The following FBXO34 variants were observed in gnomAD, a reference collection of about 807,000 sequenced individuals.
FBXO34 encodes the protein F-box only protein 34.
FBXO34 carries 12 observed loss-of-function variants against 24.5 expected under a neutral mutation model. The observed-to-expected ratio is 0.49, with a 90% confidence interval of 0.31 to 0.79. FBXO34 has a LOEUF of 0.79. Among genes scored for constraint, FBXO34 ranks in the 30% least tolerant of loss-of-function variants. The pLI is 0.04. For missense variants in FBXO34, 823 were observed against 857.7 expected (o/e 0.96, Z 0.51); for synonymous variants, 320 against 311.9 (o/e 1.03, Z -0.27).
intron 1 of FBXO34, chr14:55,335,162 C>T (rs762859751): frequency 6.6e-6 from 1 of 152,232 alleles, no homozygotes; most frequent in African/African-American, 2.4e-5. Flanking sequence ...ATTATTTCCT[C>T]CTTTATTTGG....
chr14:55,326,823 A>C (rs938190519), intron 1 of FBXO34, among the ~76,000 whole-genome samples: 2 of 152,186 alleles, frequency 1.3e-5, no homozygotes, highest in Admixed American at 6.5e-5. Context: ...AACTTTAGGG[A>C]TGTTTTGATG....
intron 1 of FBXO34, among the ~76,000 whole-genome samples, chr14:55,322,227 G>A (rs1243432463): frequency 1.3e-5 from 2 of 151,414 alleles, no homozygotes; most frequent in South Asian, 2.1e-4. Context: ...AGAGAATGGC[G>A]TGAACCCGGG....
chr14:55,323,225 A>AAAAAAT, intron 1 of FBXO34, among the ~76,000 whole-genome samples: 1 of 19,204 alleles, frequency 5.2e-5, no homozygotes, highest in East Asian at 1.4e-3. Flanking sequence ...AAAAATATAT[A>AAAAAAT]TTTTTTTTTT....
the FBXO34 span, among the ~76,000 whole-genome samples, chr14:55,385,351 G>A: frequency 6.6e-6 from 1 of 152,130 alleles, no homozygotes; most frequent in Non-Finnish European, 1.5e-5. Context: ...GGAGTGCAGT[G>A]ACACAATCTT....
chr14:55,389,178 A>G, the FBXO34 span, among the ~76,000 whole-genome samples: 1 of 152,228 alleles, frequency 6.6e-6, no homozygotes, highest in African/African-American at 2.4e-5. Context: ...AATGTGTTAA[A>G]AAGAGCTGAT....
the FBXO34 span, among the ~76,000 whole-genome samples, chr14:55,393,727 C>A: frequency 1.3e-5 from 2 of 151,610 alleles, no homozygotes; most frequent in Non-Finnish European, 2.9e-5. Flanking sequence ...GGTTTTTGTT[C>A]GTTTTTGTAG....
the FBXO34 span, among the ~76,000 whole-genome samples, chr14:55,406,228 T>A: frequency 6.6e-5 from 10 of 152,036 alleles, no homozygotes; most frequent in African/African-American, 2.4e-4. Context: ...TAATGAAACC[T>A]GAAAAAAATA....
chr14:55,412,766 C>T, the FBXO34 span, among the ~76,000 whole-genome samples: 1 of 152,104 alleles, frequency 6.6e-6, no homozygotes, highest in African/African-American at 2.4e-5. Context: ...AGTTCCATAC[C>T]CAAAGATCCA....
the FBXO34 span, chr14:55,413,909 C>T: frequency 2.2e-6 from 1 of 462,318 alleles, no homozygotes; most frequent in Middle Eastern, 6.9e-4. Flanking sequence ...CGGAGCACTC[C>T]TTTTTGAAAA....
chr14:55,362,716 G>A (rs780505982), downstream of FBXO34, among the ~76,000 whole-genome samples: 2 of 152,084 alleles, frequency 1.3e-5, no homozygotes, highest in Non-Finnish European at 2.9e-5. Flanking sequence ...TGCTCCTATC[G>A]TTCTTTCATC....
intron 1 of FBXO34, chr14:55,285,521 G>GC (rs1476243776): frequency 2.0e-5 from 3 of 152,070 alleles, no homozygotes; most frequent in Admixed American, 2.0e-4. Context: ...AATAACCACT[G>GC]CCGTCCAGCA....
chr14:55,336,977 TTA>T (rs962597067), intron 1 of FBXO34, among the ~76,000 whole-genome samples: 5 of 74,478 alleles, frequency 6.7e-5, no homozygotes, highest in East Asian at 8.9e-4. Context: ...TTTTTTTATT[TTA>T]TTTTTTTTTT....
intron 1 of FBXO34, among the ~76,000 whole-genome samples, chr14:55,278,046 C>T (rs1169777351): frequency 6.6e-6 from 1 of 152,124 alleles, no homozygotes. Context: ...GCACCGAGAA[C>T]CATGTCGTTG....
intron 1 of FBXO34, among the ~76,000 whole-genome samples, chr14:55,339,750 A>G (rs774347655): frequency 2.0e-5 from 3 of 152,190 alleles, no homozygotes; most frequent in African/African-American, 7.2e-5. Flanking sequence ...CAAAGCAGCA[A>G]TGTTTTTTAG....
At chr14:55,332,725 GA>G (rs1254289095) in intron 1 of FBXO34, among the ~76,000 whole-genome samples, 6 of 152,118 alleles carry the variant, frequency 3.9e-5, no homozygotes, top group Non-Finnish European at 8.8e-5. Flanking sequence ...TAGTTTATCA[GA>G]AAATGTTGAC....
At chr14:55,315,482 T>G (rs1227173386) in intron 1 of FBXO34, among the ~76,000 whole-genome samples, 1 of 152,224 alleles carries the variant, frequency 6.6e-6, no homozygotes. Flanking sequence ...CATGTCTTCT[T>G]TCTTGGTTTA....
chr14:55,301,082 T>C (rs997911932), intron 1 of FBXO34, among the ~76,000 whole-genome samples: 1 of 152,218 alleles, frequency 6.6e-6, no homozygotes, highest in African/African-American at 2.4e-5. Flanking sequence ...TCCTTGTTAC[T>C]ACAGTGGACT....
chr14:55,289,070 A>G (rs11848575), intron 1 of FBXO34, among the ~76,000 whole-genome samples: 45,977 of 151,982 alleles, frequency 0.3, 7,251 homozygotes, highest in Non-Finnish European at 0.34. Flanking sequence ...AAAAAAGTAT[A>G]TGTAATATAT....
chr14:55,429,293 A>G, the FBXO34 span, among the ~76,000 whole-genome samples: 1 of 152,222 alleles, frequency 6.6e-6, no homozygotes, highest in East Asian at 1.9e-4. Flanking sequence ...GTGTCCCCAG[A>G]CCAGCAGCTT....
Sources: gnomAD v4.1 joint callset for allele counts (sites outside exome capture counted in the v4.1 genomes callset) on GRCh38, gnomAD v4.1.1 for gene constraint, MANE v1.5 for transcripts, NCBI Gene and HGNC (gene_info 2026-07-23, HGNC 2026-07-21) for gene names.